PCDHGA6: variants seen among roughly 807,000 people sequenced by gnomAD.
PCDHGA6 encodes protocadherin gamma-A6.
Under a neutral mutation model 60.6 loss-of-function variants are expected in PCDHGA6, and 41 were observed. The ratio of observed to expected loss-of-function variants is 0.68; its 90% confidence interval spans 0.53 to 0.88. The LOEUF is 0.88. Among genes scored for constraint, PCDHGA6 ranks in the 40% least tolerant of loss-of-function variants. The pLI, the probability that PCDHGA6 is intolerant of heterozygous loss-of-function variation, is 0.00. For missense variants in PCDHGA6, 1,312 were observed against 1,203.0 expected (o/e 1.09, Z -1.34); for synonymous variants, 594 against 524.4 (o/e 1.13, Z -1.81).
intron 1 of PCDHGA6, among the ~76,000 whole-genome samples, chr5:141,475,215 T>C (rs768665396): frequency 2.6e-5 from 4 of 152,176 alleles, no homozygotes; most frequent in Non-Finnish European, 5.9e-5. Flanking sequence ...AAAGGATTGA[T>C]CAAGTAAAGG....
intron 1 of PCDHGA6, chr5:141,403,467 T>G: frequency 6.2e-7 from 1 of 1,614,020 alleles, no homozygotes; most frequent in Non-Finnish European, 8.5e-7. Context: ...AGCTACCAGC[T>G]CAGCCCCAAT....
intron 1 of PCDHGA6, chr5:141,430,990 GA>G (rs1185464233): frequency 1.2e-6 from 2 of 1,613,970 alleles, no homozygotes; most frequent in East Asian, 4.5e-5. Context: ...TTTTCGCCCT[GA>G]ATCCGCGCAG....
At chr5:141,421,651 A>G in intron 1 of PCDHGA6, 1 of 1,613,868 alleles carries the variant, frequency 6.2e-7, no homozygotes, top group Non-Finnish European at 8.5e-7. Flanking sequence ...AGTGGAGATA[A>G]AAGTCAGTGA....
At chr5:141,438,571 TATACATACATAC>T (rs1212381177) in intron 1 of PCDHGA6, among the ~76,000 whole-genome samples, 4 of 94,544 alleles carry the variant, frequency 4.2e-5, no homozygotes, top group African/African-American at 9.7e-5. Context: ...AGCTGTCTGA[TATACATACATAC>T]ATACATACAT....
chr5:141,511,147 A>T lies in PCDHGA6; in HGVS notation c.2773A>T (p.Lys925Ter). The change falls in exon 4 of 4, where the codon AAG becomes TAG. Residue 925 changes from lysine to a stop codon, truncating the protein, a stop_gained. Coordinates refer to ENST00000517434, the MANE Select transcript of PCDHGA6 (RefSeq NM_018919.3). LOFTEE classifies it high-confidence loss of function. Reference sequence around the variant, plus strand: ...AGCAGGTGGCAATGGCAACAAGAAGAAGTCGGGCAAGAAGGAGAAGAAGTA... The same window carrying T: ...AGCAGGTGGCAATGGCAACAAGAAGTAGTCGGGCAAGAAGGAGAAGAAGTA... The part of the protein sequence containing the change: ...APAGGNGNKK[K>*]SGKKEKK 1 of 1,614,188 alleles carries T rather than the reference A, an allele frequency of 6.2e-7. No homozygotes were observed. Among genetic ancestry groups the T allele is most frequent in the East Asian group, 2.2e-5 (1 of 44,876 alleles).
Position 141,477,161 on chromosome 5 carries a change from G to A in PCDHGA6, c.2425-17646G>A, listed in dbSNP as rs761453939. On this transcript the variant is annotated intron_variant, in intron 1 of 3. Transcript: ENST00000517434. The surrounding 1 kb of genome is among the most constrained non-coding windows in gnomAD (Gnocchi z 4.9). ...GGAGGTTGTGGATGTGAATGACAAC[G>A]CCCCGGAGATCACAGTCACCTCCGT... 1.9e-6 allele frequency: 3 copies of A among 1,613,988 alleles called. No individual in the cohort carries two copies. The highest frequency in any genetic ancestry group is 2.7e-5 in the African/African-American group (2 of 74,904).
At chr5:141,415,255 A>G (rs908329007) in intron 1 of PCDHGA6, 1 of 1,613,620 alleles carries the variant, frequency 6.2e-7, no homozygotes, top group African/African-American at 1.3e-5. Context: ...CTCAGACCTC[A>G]CTCTGTACCT....
intron 1 of PCDHGA6, among the ~76,000 whole-genome samples, chr5:141,483,057 C>T (rs1329609397): frequency 6.6e-6 from 1 of 152,028 alleles, no homozygotes; most frequent in African/African-American, 2.4e-5. Flanking sequence ...TGCACTCCAG[C>T]ATGGGCAACA....
chr5:141,490,715 C>G lies in PCDHGA6; in HGVS notation c.2425-4092C>G, dbSNP rs757619272. The stretch of plus-strand genomic sequence containing the variant: ...GGGGATAATGCCCGCCTCACCTACT[C>G]CATTGTAGGAAATCAGGTTCAGGGA... On this transcript the variant is annotated intron_variant, in intron 1 of 3. Coordinates refer to ENST00000517434, the MANE Select transcript of PCDHGA6 (RefSeq NM_018919.3). This position sits in a 1 kb window ranked among gnomAD's most constrained non-coding sequence, Gnocchi z 5.4. 14 of 1,614,130 alleles carry G rather than the reference C, an allele frequency of 8.7e-6. No individual in the cohort carries two copies. Among genetic ancestry groups the G allele is most frequent in the Non-Finnish European group, 1.1e-5 (13 of 1,179,978 alleles).
chr5:141,427,370 G>A (rs915167509), intron 1 of PCDHGA6: 17 of 457,836 alleles, frequency 3.7e-5, no homozygotes, highest in African/African-American at 2.4e-4. Flanking sequence ...AACCCTGGAC[G>A]GTGATCACTC....
At position 141,421,041 on chromosome 5, in the gene PCDHGA6, C is replaced by T. The variant is rs963777669; in HGVS notation, c.2424+44534C>T. The T allele has an allele frequency of 1.8e-5, 10 of 546,514 alleles. No individual in the cohort carries two copies. The African/African-American group carries it at 1.9e-4, about 11-fold the overall frequency. 33.9% of individuals were successfully genotyped at this position (546,514 alleles called of 1,614,324 possible). A position where few individuals can be genotyped will look rare whatever the true frequency, so the allele number is the denominator to read the frequency against. ...CTGCGCGCCATTGAGTCCCTCCCTC[C>T]CCCGCCTCTACCACACAAAGCGGAA... On this transcript the variant is annotated intron_variant, in intron 1 of 3. Coordinates refer to ENST00000517434, the MANE Select transcript of PCDHGA6 (RefSeq NM_018919.3).
chr5:141,378,683 C>G (rs559332008), intron 1 of PCDHGA6: 9 of 152,254 alleles, frequency 5.9e-5, no homozygotes, highest in Admixed American at 5.9e-4. Context: ...AATATTTTAG[C>G]ATTTTAACCC....
At position 141,374,459 on chromosome 5, in the gene PCDHGA6, A is replaced by G. The variant is rs764751595; in HGVS notation, c.376A>G (p.Ile126Val). ...TCCCGTGGAAGTGGAAATAGTGGACATTAATGACAATACACCCCGATTCTT... is the reference window on the plus strand; with the variant it reads ...TCCCGTGGAAGTGGAAATAGTGGACGTTAATGACAATACACCCCGATTCTT... Reference protein sequence around the residue: ...LYPVEVEIVDINDNTPRFLKE... With the variant: ...LYPVEVEIVDVNDNTPRFLKE... Residue 126 changes from isoleucine (I) to valine (V), a missense_variant, in exon 1 of 4, where the codon ATT becomes GTT. By Grantham distance (29) the Ile-to-Val change is conservative (BLOSUM62 3). Transcript: ENST00000517434. The G allele has an allele frequency of 1.2e-6, 2 of 1,613,448 alleles. No individual in the cohort carries two copies. Among genetic ancestry groups the G allele is most frequent in the Non-Finnish European group, 1.7e-6 (2 of 1,179,406 alleles).
At position 141,431,316 on chromosome 5, in the gene PCDHGA6, C is replaced by T; in HGVS notation, c.2424+54809C>T. 6.2e-7 allele frequency: 1 copy of T among 1,614,104 alleles called. No individual in the cohort carries two copies. The highest frequency in any genetic ancestry group is 8.5e-7 in the Non-Finnish European group (1 of 1,180,046). The stretch of plus-strand genomic sequence containing the variant: ...TTCTCCCTCATCGTGCAAAATGGAG[C>T]CGACGGTAGTAAGTACCCCGAATTG... On this transcript the variant is annotated intron_variant, in intron 1 of 3. Transcript: ENST00000517434. The surrounding 1 kb of genome is among the most constrained non-coding windows in gnomAD (Gnocchi z 4.8).
At position 141,432,195 on chromosome 5, in the gene PCDHGA6, C is replaced by G; in HGVS notation, c.2424+55688C>G. 1 of 1,614,206 alleles carries G rather than the reference C, an allele frequency of 6.2e-7. No individual in the cohort carries two copies. The highest frequency in any genetic ancestry group is 8.5e-7 in the Non-Finnish European group (1 of 1,180,050). On this transcript the variant is annotated intron_variant, in intron 1 of 3. Transcript: ENST00000517434. The surrounding 1 kb of genome is among the most constrained non-coding windows in gnomAD (Gnocchi z 6.0). ...CTCGTCTCTGTGACCGCCCACGACC[C>G]CGACTGTGAAGAGAACGCCCAGATC...
At chr5:141,382,585 A>C (rs543954739) in intron 1 of PCDHGA6, among the ~76,000 whole-genome samples, 8 of 152,250 alleles carry the variant, frequency 5.3e-5, no homozygotes, top group Non-Finnish European at 1.0e-4. Context: ...GGAAATTTTG[A>C]AAGATGAAAC....
intron 1 of PCDHGA6, among the ~76,000 whole-genome samples, chr5:141,469,490 G>A (rs1346871954): frequency 3.3e-5 from 5 of 152,146 alleles, no homozygotes; most frequent in East Asian, 3.9e-4. Context: ...CAGGAGAATC[G>A]CTTGAACCCG....
At chr5:141,417,555 TAGAGA>T (rs926975589) in intron 1 of PCDHGA6, 38 of 335,630 alleles carry the variant, frequency 1.1e-4, no homozygotes, top group Non-Finnish European at 1.5e-4. Context: ...TTGAAAGAGG[TAGAGA>T]AAAGTCAAGT....
chr5:141,410,083 C>T (rs752701599), intron 1 of PCDHGA6: 102 of 1,612,590 alleles, frequency 6.3e-5, no homozygotes, highest in Non-Finnish European at 4.7e-5. Flanking sequence ...GGGAGGTGCG[C>T]ACGGCTCGAG....
Sources: gnomAD v4.1 joint callset for allele counts (sites outside exome capture counted in the v4.1 genomes callset) on GRCh38, gnomAD v4.1.1 for gene constraint, Gnocchi (gnomAD v3.1) non-coding constraint, MANE v1.5 for transcripts, NCBI Gene and HGNC (gene_info 2026-07-23, HGNC 2026-07-21) for gene names.